Variants in GABRA3 observed in about 807,000 individuals in gnomAD.
The protein encoded by GABRA3 is gamma-aminobutyric acid receptor subunit alpha-3.
GABRA3 carries 10 observed loss-of-function variants against 30.1 expected under a neutral mutation model. That is an observed-to-expected ratio of 0.33 (90% CI 0.20 to 0.56). GABRA3 has a LOEUF of 0.56. Among genes scored for constraint, GABRA3 ranks in the 20% least tolerant of loss-of-function variants. The pLI, the probability that GABRA3 is intolerant of heterozygous loss-of-function variation, is 0.89. For missense variants in GABRA3, 233 were observed against 392.0 expected (o/e 0.59, Z 3.42); for synonymous variants, 151 against 146.8 (o/e 1.03, Z -0.21).
intron 1 of GABRA3, among the ~76,000 whole-genome samples, chrX:152,373,490 C>T (rs149082085): frequency 1.5e-3 from 165 of 112,211 alleles, no homozygotes; most frequent in African/African-American, 4.6e-3. Flanking sequence ...GAACTAATTA[C>T]ATTCCCATCA....
chrX:152,347,208 A>C (rs1189713094), intron 2 of GABRA3, among the ~76,000 whole-genome samples: 1 of 111,767 alleles, frequency 8.9e-6, no homozygotes, highest in South Asian at 3.7e-4. Flanking sequence ...GAAACTGGAG[A>C]TCATTATGCT....
intron 4 of GABRA3, among the ~76,000 whole-genome samples, chrX:152,268,225 A>T (rs1413024763): frequency 9.0e-6 from 1 of 111,064 alleles, no homozygotes; most frequent in Non-Finnish European, 1.9e-5. Flanking sequence ...GCTTTGTGAT[A>T]AGGTTTTGCT....
intron 3 of GABRA3, among the ~76,000 whole-genome samples, chrX:152,298,179 G>A (rs889179803): frequency 3.6e-5 from 4 of 111,883 alleles, no homozygotes; most frequent in African/African-American, 1.3e-4. Context: ...GTGGAGGTTG[G>A]GTTAGTCCTG....
At chrX:152,293,380 CT>C (rs926419800) in intron 3 of GABRA3, among the ~76,000 whole-genome samples, 1 of 110,682 alleles carries the variant, frequency 9.0e-6, no homozygotes, top group Admixed American at 9.6e-5. Flanking sequence ...CAAACCCCTG[CT>C]TTTTTTTGTT....
intron 1 of GABRA3, among the ~76,000 whole-genome samples, chrX:152,450,250 C>A (rs183712398): frequency 0.011 from 1,174 of 110,279 alleles, 7 homozygotes; most frequent in Non-Finnish European, 0.018. Flanking sequence ...AGTCCTCTTG[C>A]CCATGCCACC....
At chrX:152,179,604 C>T (rs981996005) in intron 9 of GABRA3, among the ~76,000 whole-genome samples, 2 of 108,559 alleles carry the variant, frequency 1.8e-5, no homozygotes, top group African/African-American at 3.4e-5. Flanking sequence ...ACGCCATTCT[C>T]CTGCCTCAGC....
At chrX:152,183,630 A>G (rs1423837570) in intron 9 of GABRA3, among the ~76,000 whole-genome samples, 7 of 111,170 alleles carry the variant, frequency 6.3e-5, no homozygotes, top group African/African-American at 2.3e-4. Context: ...AAGTTCCTCA[A>G]GGCATAAAGT....
chrX:152,390,428 A>G (rs1451262865), intron 1 of GABRA3, among the ~76,000 whole-genome samples: 2 of 113,023 alleles, frequency 1.8e-5, no homozygotes, highest in Non-Finnish European at 3.7e-5. Flanking sequence ...AAACCATGGT[A>G]TGTGAGCACA....
At chrX:152,168,683 G>A (rs1472687236) in intron 9 of GABRA3, 120 bp from the exon 10 acceptor site, 2 of 513,686 alleles carry the variant, frequency 3.9e-6, no homozygotes, top group Non-Finnish European at 6.6e-6. Context: ...TAAGGCACAG[G>A]GGCCATGTAG....
At chrX:152,233,319 C>T (rs1388180562) in intron 5 of GABRA3, among the ~76,000 whole-genome samples, 2 of 111,077 alleles carry the variant, frequency 1.8e-5, no homozygotes, top group Non-Finnish European at 3.8e-5. Context: ...TTAATTAGAT[C>T]CCATTTGTCA....
intron 1 of GABRA3, among the ~76,000 whole-genome samples, chrX:152,446,172 G>C (rs1424804423): frequency 8.9e-6 from 1 of 112,004 alleles, no homozygotes; most frequent in African/African-American, 3.2e-5. Context: ...GAGTGGGAAG[G>C]ACTGTTATAA....
At chrX:152,440,711 C>A (rs1221166053) in intron 1 of GABRA3, among the ~76,000 whole-genome samples, 5 of 111,769 alleles carry the variant, frequency 4.5e-5, no homozygotes, top group Non-Finnish European at 9.4e-5. Flanking sequence ...ATGTCCTTTG[C>A]AGGAACATGG....
intron 6 of GABRA3, among the ~76,000 whole-genome samples, chrX:152,217,593 T>A (rs1334899545): frequency 1.8e-5 from 2 of 111,526 alleles, no homozygotes; most frequent in Non-Finnish European, 3.8e-5. Context: ...AAGCCTTAGA[T>A]CTAATGGTGG....
intron 3 of GABRA3, among the ~76,000 whole-genome samples, chrX:152,292,107 G>T (rs1267276186): frequency 9.0e-6 from 1 of 111,432 alleles, no homozygotes; most frequent in Non-Finnish European, 1.9e-5. Context: ...GCTCCTCTTT[G>T]TACCTCTGGT....
intron 5 of GABRA3, among the ~76,000 whole-genome samples, chrX:152,241,949 A>G (rs1427143732): frequency 8.9e-6 from 1 of 111,777 alleles, no homozygotes; most frequent in Non-Finnish European, 1.9e-5. Flanking sequence ...ATGGAAATGC[A>G]GAAATCACCC....
chrX:152,169,960 G>A (rs112324708), intron 9 of GABRA3, among the ~76,000 whole-genome samples: 3 of 110,643 alleles, frequency 2.7e-5, no homozygotes, highest in South Asian at 3.9e-4. Flanking sequence ...TCCTTTAGAC[G>A]TCACTGCCAT....
At chrX:152,197,255 C>A (rs767355635) in intron 8 of GABRA3, among the ~76,000 whole-genome samples, 4 of 111,382 alleles carry the variant, frequency 3.6e-5, no homozygotes, top group Non-Finnish European at 7.5e-5. Flanking sequence ...AACGCTCATA[C>A]AAAAAAAGCA....
chrX:152,267,249 T>C (rs1938842816), intron 4 of GABRA3, among the ~76,000 whole-genome samples: 1 of 112,382 alleles, frequency 8.9e-6, no homozygotes, highest in African/African-American at 3.2e-5. Flanking sequence ...AAATTCTTTT[T>C]TGGTATCTAT....
intron 3 of GABRA3, among the ~76,000 whole-genome samples, chrX:152,339,491 T>C (rs1299209916): frequency 1.8e-5 from 2 of 111,817 alleles, no homozygotes; most frequent in East Asian, 5.6e-4. Flanking sequence ...AGTGCTGGGA[T>C]CACAGACGTG....
Sources: gnomAD v4.1 joint callset for allele counts (sites outside exome capture counted in the v4.1 genomes callset) on GRCh38, gnomAD v4.1.1 for gene constraint, MANE v1.5 for transcripts, NCBI Gene and HGNC (gene_info 2026-07-23, HGNC 2026-07-21) for gene names.